RASA1: variants seen among roughly 807,000 people sequenced by gnomAD.
RASA1 encodes ras GTPase-activating protein 1.
In RASA1, 25 loss-of-function variants were observed where a neutral mutation model predicts 132.2. The ratio of observed to expected loss-of-function variants is 0.19; its 90% CI spans 0.14 to 0.26. The LOEUF (loss-of-function observed/expected upper bound fraction) is 0.26, where lower values mean the gene tolerates loss of function less well. Ranked by LOEUF, RASA1 falls within the 10% of genes least tolerant of loss-of-function variation. RASA1 has a pLI of 1.00. For synonymous variants in RASA1, 477 were observed against 449.9 expected (o/e 1.06, Z -0.76); for missense variants, 964 against 1,299.2 (o/e 0.74, Z 3.97).
At chr5:87,277,288 C>T (rs947290056) in intron 1 of RASA1, among the ~76,000 whole-genome samples, 43 of 152,152 alleles carry the variant, frequency 2.8e-4, no homozygotes, top group Admixed American at 6.5e-5. Flanking sequence ...CAGTAACTGG[C>T]ATTTTGGACT....
intron 8 of RASA1, among the ~76,000 whole-genome samples, chr5:87,352,923 A>G (rs1462399808): frequency 6.6e-6 from 1 of 151,910 alleles, no homozygotes; most frequent in Non-Finnish European, 1.5e-5. Context: ...CTTGATGGGT[A>G]TGGAAAATCA....
At chr5:87,304,226 C>A (rs907425032) in intron 1 of RASA1, among the ~76,000 whole-genome samples, 5 of 152,112 alleles carry the variant, frequency 3.3e-5, no homozygotes, top group Non-Finnish European at 7.4e-5. Context: ...CTTCTACTTT[C>A]AACATTTCTG....
Position 87,363,390 on chromosome 5 carries a change from G to A in RASA1, c.1496G>A (p.Gly499Asp). The A allele has an allele frequency of 1.9e-6, 3 of 1,610,850 alleles. No individual in the cohort carries two copies. The highest frequency in any genetic ancestry group is 2.5e-6 in the Non-Finnish European group (3 of 1,177,556). Reference protein sequence around the residue: ...RWKNLYFILEGSDAQLIYFES... With the variant: ...RWKNLYFILEDSDAQLIYFES... ...AAAAATTTATATTTTATCTTAGAGGGTAGTGATGCCCAACTTATTTATTTT... is the reference window on the plus strand; with the variant it reads ...AAAAATTTATATTTTATCTTAGAGGATAGTGATGCCCAACTTATTTATTTT... The change falls in exon 11 of 25, where the codon GGT becomes GAT. Residue 499 changes from glycine to aspartate, a missense_variant. Transcript: ENST00000274376.
At chr5:87,347,818 T>C (rs1276723436) in intron 7 of RASA1, among the ~76,000 whole-genome samples, 2 of 151,984 alleles carry the variant, frequency 1.3e-5, no homozygotes, top group Non-Finnish European at 2.9e-5. Flanking sequence ...ACCAAAAATA[T>C]GTAGTTTAGT....
chr5:87,333,625 T>C lies in RASA1; in HGVS notation c.899+288T>C, dbSNP rs115553788. Among the ~76,000 whole-genome samples, 714 of 152,326 alleles carry C rather than the reference T, an allele frequency of 4.7e-3. 6 individuals are homozygous for C. Among genetic ancestry groups the C allele is most frequent in the African/African-American group, 0.016 (653 of 41,570 alleles). On this transcript the variant is annotated intron_variant, in intron 4 of 24. Transcript: ENST00000274376. ...GTTCTGCTTCAATCTATATGCTATG[T>C]AAATTTTTGTTACCATGTGACATTT...
At chr5:87,310,136 C>G (rs1755808283) in intron 1 of RASA1, among the ~76,000 whole-genome samples, 1 of 152,092 alleles carries the variant, frequency 6.6e-6, no homozygotes, top group South Asian at 2.1e-4. Context: ...AATCAATTGA[C>G]TGCTTTGAGG....
chr5:87,391,065 G>C lies in RASA1; in HGVS notation c.*182G>C, dbSNP rs796643153. On this transcript the variant is annotated 3_prime_UTR_variant, in exon 25 of 25. Transcript: ENST00000274376. ...AATAACTATGCCAGCAACCTTGTAAGCTATCTGTGCAGGATATTTGCACTA... is the reference window on the plus strand; with the variant it reads ...AATAACTATGCCAGCAACCTTGTAACCTATCTGTGCAGGATATTTGCACTA... 5 of 687,468 alleles carry C rather than the reference G, an allele frequency of 7.3e-6. No individual in the cohort carries two copies. In the African/African-American group the frequency reaches 8.9e-5, roughly 12 times the overall value. 42.6% of individuals were successfully genotyped at this position (687,468 alleles called of 1,614,324 possible).
chr5:87,341,623 A>G (rs527770160), intron 6 of RASA1, among the ~76,000 whole-genome samples: 80 of 152,276 alleles, frequency 5.3e-4, no homozygotes, highest in Middle Eastern at 3.4e-3. Flanking sequence ...AATTATTCAT[A>G]GTATTTCTTG....
chr5:87,269,153 C>G, intron 1 of RASA1, 163 bp downstream of exon 1: 2 of 1,612,850 alleles, frequency 1.2e-6, no homozygotes, highest in Non-Finnish European at 1.7e-6. Flanking sequence ...CACTTATCTT[C>G]CTTACAGGCA....
At chr5:87,386,044 T>G (rs1762041498) in intron 22 of RASA1, among the ~76,000 whole-genome samples, 1 of 152,094 alleles carries the variant, frequency 6.6e-6, no homozygotes, top group Non-Finnish European at 1.5e-5. Flanking sequence ...CAAGATTTCC[T>G]GTCAGCAATT....
chr5:87,284,897 T>G (rs1404343856), intron 1 of RASA1, among the ~76,000 whole-genome samples: 2 of 152,090 alleles, frequency 1.3e-5, no homozygotes, highest in Non-Finnish European at 2.9e-5. Context: ...TTTTAACAAG[T>G]GAATAGGAAA....
chr5:87,305,679 A>G (rs1444999077), intron 1 of RASA1, among the ~76,000 whole-genome samples: 3 of 152,376 alleles, frequency 2.0e-5, no homozygotes, highest in East Asian at 3.9e-4. Context: ...AAAAGTAACT[A>G]TCAACAGAGT....
chr5:87,346,480 A>G (rs1034149628), intron 6 of RASA1, among the ~76,000 whole-genome samples, 192 bp from the exon 7 acceptor site: 1 of 151,948 alleles, frequency 6.6e-6, no homozygotes, highest in Non-Finnish European at 1.5e-5. Flanking sequence ...TTCTAGTTTT[A>G]CTATCTTTAG....
intron 8 of RASA1, among the ~76,000 whole-genome samples, chr5:87,350,353 A>G (rs560626755): frequency 9.2e-5 from 14 of 151,898 alleles, no homozygotes; most frequent in South Asian, 4.1e-4. Context: ...GCTAGCTGCA[A>G]TTTGAGTTCT....
chr5:87,313,256 C>A (rs979302527), intron 1 of RASA1, among the ~76,000 whole-genome samples: 1 of 152,130 alleles, frequency 6.6e-6, no homozygotes, highest in Admixed American at 6.5e-5. Flanking sequence ...TTTAGCTAAT[C>A]TAATATCTTT....
In RASA1 at chr5:87,346,931, C is replaced by T. The variant is rs139185417; in HGVS notation, c.1102+207C>T. Among the ~76,000 whole-genome samples, 1,796 of 152,028 alleles carry T rather than the reference C, an allele frequency of 0.012. 28 individuals are homozygous for T. Among genetic ancestry groups the T allele is most frequent in the African/African-American group, 0.041 (1,687 of 41,504 alleles). The stretch of plus-strand genomic sequence containing the variant: ...TTTAGTCAAGTGTGTTTTTCTTTTA[C>T]CCCAGGCCCCTGTCCACTTCCTCAG... On this transcript the variant is annotated intron_variant, in intron 7 of 24. Transcript: ENST00000274376.
intron 1 of RASA1, among the ~76,000 whole-genome samples, chr5:87,269,814 T>G (rs938325661): frequency 1.3e-5 from 2 of 152,184 alleles, no homozygotes; most frequent in African/African-American, 4.8e-5. Context: ...AGTTAATACC[T>G]CCTCCTCACT....
rs534347909 is a variant in RASA1 at position 87,386,434 on chromosome 5, ATC to A, written c.2848-388_2848-387del. On this transcript the variant is annotated intron_variant, in intron 22 of 24. Transcript: ENST00000274376. The stretch of plus-strand genomic sequence containing the variant: ...TTATATTGTATTTTAATTCCCTGTA[ATC>A]TCTGCTGGATTCAAACCTATGATTT... Among the ~76,000 whole-genome samples, 19 of 152,076 alleles carry A rather than the reference ATC, an allele frequency of 1.2e-4. No individual in the cohort carries two copies. The South Asian group carries it at 3.7e-3, about 30-fold the overall frequency.
chr5:87,346,841 T>C, intron 7 of RASA1, 117 bp downstream of exon 7: 1 of 726,678 alleles, frequency 1.4e-6, no homozygotes, highest in Middle Eastern at 2.5e-4. Flanking sequence ...CATGTTATAA[T>C]TTCGTGTCCA....
Sources: gnomAD v4.1 joint callset for allele counts (sites outside exome capture counted in the v4.1 genomes callset) on GRCh38, gnomAD v4.1.1 for gene constraint, MANE v1.5 for transcripts, NCBI Gene and HGNC (gene_info 2026-07-23, HGNC 2026-07-21) for gene names.